FAM135B: variants seen among roughly 807,000 people sequenced by gnomAD.
The protein encoded by FAM135B is protein FAM135B.
FAM135B carries 43 observed loss-of-function variants against 127.7 expected under a neutral mutation model. The observed-to-expected ratio is 0.34, with a 90% confidence interval of 0.26 to 0.43. The LOEUF (loss-of-function observed/expected upper bound fraction) is 0.43. Among genes scored for constraint, FAM135B ranks in the 20% least tolerant of loss-of-function variants. FAM135B has a pLI of 1.00. For missense variants in FAM135B, 1,558 were observed against 1,725.6 expected (o/e 0.90, Z 1.72); for synonymous variants, 670 against 665.1 (o/e 1.01, Z -0.11).
chr8:138,221,086 C>G (rs1018195043), intron 7 of FAM135B, among the ~76,000 whole-genome samples: 3 of 152,138 alleles, frequency 2.0e-5, no homozygotes, highest in Non-Finnish European at 4.4e-5. Context: ...CTAGCTGACT[C>G]TTTGTATTAG....
intron 1 of FAM135B, among the ~76,000 whole-genome samples, chr8:138,459,908 G>C (rs560398780): frequency 7.4e-5 from 11 of 149,068 alleles, no homozygotes; most frequent in Admixed American, 2.1e-4. Flanking sequence ...CAGCCTAAGG[G>C]AGTTACTTCA....
intron 2 of FAM135B, among the ~76,000 whole-genome samples, chr8:138,364,317 A>G (rs906901734): frequency 6.6e-6 from 1 of 152,154 alleles, no homozygotes; most frequent in Non-Finnish European, 1.5e-5. Context: ...ACAGCTGCCC[A>G]AAGGCAGGAT....
At chr8:138,271,054 G>GC (rs1467598499) in intron 3 of FAM135B, among the ~76,000 whole-genome samples, 1 of 152,156 alleles carries the variant, frequency 6.6e-6, no homozygotes, top group Non-Finnish European at 1.5e-5. Flanking sequence ...TCCTAAACTA[G>GC]CATTCAGAAA....
At chr8:138,274,162 G>A (rs973023722) in intron 3 of FAM135B, among the ~76,000 whole-genome samples, 3 of 152,034 alleles carry the variant, frequency 2.0e-5, no homozygotes, top group Middle Eastern at 3.4e-3. Flanking sequence ...TCCAATCATC[G>A]GCACATTATC....
At chr8:138,429,578 G>C (rs1196522849) in intron 1 of FAM135B, among the ~76,000 whole-genome samples, 2 of 152,162 alleles carry the variant, frequency 1.3e-5, no homozygotes, top group Non-Finnish European at 2.9e-5. Context: ...TTTGTTTTCA[G>C]AGCCTCTTCT....
At chr8:138,364,401 A>G (rs1188193281) in intron 2 of FAM135B, among the ~76,000 whole-genome samples, 1 of 152,166 alleles carries the variant, frequency 6.6e-6, no homozygotes, top group African/African-American at 2.4e-5. Context: ...CATCATTACA[A>G]AACAGTGTGC....
At chr8:138,173,065 C>CAA (rs1212538804) in intron 11 of FAM135B, among the ~76,000 whole-genome samples, 1 of 152,156 alleles carries the variant, frequency 6.6e-6, no homozygotes, top group Non-Finnish European at 1.5e-5. Flanking sequence ...TGCTTGGAAA[C>CAA]CAGTTGTTTG....
chr8:138,277,553 T>C (rs1823926828), intron 3 of FAM135B, among the ~76,000 whole-genome samples: 1 of 152,198 alleles, frequency 6.6e-6, no homozygotes, highest in South Asian at 2.1e-4. Flanking sequence ...GGAATGTTTC[T>C]TTATCTGAAC....
chr8:138,222,781 C>T (rs1347576368), intron 7 of FAM135B, among the ~76,000 whole-genome samples: 1 of 148,982 alleles, frequency 6.7e-6, no homozygotes, highest in East Asian at 2.0e-4. Context: ...CAACCCATGA[C>T]ATGTCTTTAA....
intron 9 of FAM135B, among the ~76,000 whole-genome samples, chr8:138,181,511 G>T (rs1485415226): frequency 6.6e-6 from 1 of 151,934 alleles, no homozygotes. Context: ...ATACCAACCT[G>T]CTGGCAGTGG....
chr8:138,187,512 C>T (rs1192774773), intron 9 of FAM135B, among the ~76,000 whole-genome samples: 1 of 152,170 alleles, frequency 6.6e-6, no homozygotes, highest in Non-Finnish European at 1.5e-5. Flanking sequence ...AGAATCTAAG[C>T]CCCCATCTTT....
chr8:138,208,175 A>C (rs1308917970), intron 7 of FAM135B, among the ~76,000 whole-genome samples: 2 of 152,206 alleles, frequency 1.3e-5, no homozygotes, highest in African/African-American at 4.8e-5. Flanking sequence ...GGTGGCACAC[A>C]GGAGAGTCCG....
At chr8:138,252,856 G>C (rs923138841) in intron 5 of FAM135B, among the ~76,000 whole-genome samples, 25 of 152,152 alleles carry the variant, frequency 1.6e-4, no homozygotes, top group Admixed American at 1.6e-3. Context: ...CTGGAGTGCA[G>C]TGGCATAATC....
intron 12 of FAM135B, among the ~76,000 whole-genome samples, chr8:138,156,412 A>G (rs1818749797): frequency 1.3e-5 from 2 of 152,302 alleles, no homozygotes; most frequent in South Asian, 4.1e-4. Flanking sequence ...AAACACATTC[A>G]AAAGCTAGCA....
chr8:138,174,524 C>T (rs1814246027), intron 11 of FAM135B, among the ~76,000 whole-genome samples: 1 of 152,208 alleles, frequency 6.6e-6, no homozygotes, highest in East Asian at 1.9e-4. Context: ...ATGAAATTCT[C>T]CCTCTGTTTT....
chr8:138,375,984 T>G lies in FAM135B; in HGVS notation c.-19-7982A>C, dbSNP rs563899674. 4.6e-5 allele frequency among the ~76,000 whole-genome samples: 7 copies of G among 152,184 alleles called. No individual in the cohort carries two copies. The East Asian group carries it at 1.4e-3, about 29-fold the overall frequency. On this transcript the variant is annotated intron_variant, in intron 1 of 19. Transcript: ENST00000395297. ...TGGGTTCAGCCTTCAGTCCTTATTT[T>G]TTTGCTTGTTTTGTTTTGTTTTGTT...
chr8:138,246,476 C>T (rs116588110), intron 6 of FAM135B, among the ~76,000 whole-genome samples: 3,750 of 152,156 alleles, frequency 0.025, 134 homozygotes, highest in African/African-American at 0.077. Flanking sequence ...TCAGAGGGTG[C>T]GAGCCTCAAG....
intron 3 of FAM135B, among the ~76,000 whole-genome samples, chr8:138,299,681 T>C (rs552583235): frequency 6.6e-6 from 1 of 152,198 alleles, no homozygotes; most frequent in Non-Finnish European, 1.5e-5. Flanking sequence ...CTCAAAATGA[T>C]AGTCCATTGG....
chr8:138,373,910 A>T (rs974052742), intron 1 of FAM135B, among the ~76,000 whole-genome samples: 6 of 152,100 alleles, frequency 3.9e-5, no homozygotes, highest in Non-Finnish European at 8.8e-5. Flanking sequence ...TTATCAAATG[A>T]CAATGGTGCC....
Sources: gnomAD v4.1 joint callset for allele counts (sites outside exome capture counted in the v4.1 genomes callset) on GRCh38, gnomAD v4.1.1 for gene constraint, MANE v1.5 for transcripts, NCBI Gene and HGNC (gene_info 2026-07-23, HGNC 2026-07-21) for gene names.